Variants in MACROD1 observed in about 807,000 individuals in gnomAD.
MACROD1 encodes ADP-ribose glycohydrolase MACROD1.
Under a neutral mutation model 41.4 loss-of-function variants are expected in MACROD1, and 31 were observed. That is an observed-to-expected ratio of 0.75 (90% CI 0.56 to 1.01). MACROD1 has a LOEUF of 1.01. Among genes scored for constraint, MACROD1 ranks in the 50% least tolerant of loss-of-function variants. The probability of loss-of-function intolerance (pLI) is 0.00; values close to 1 mark genes in which losing one functional copy is unlikely to be tolerated. For missense variants in MACROD1, 473 were observed against 460.0 expected (o/e 1.03, Z -0.26); for synonymous variants, 252 against 203.4 (o/e 1.24, Z -2.03).
At chr11:64,147,749 A>G (rs1363524854) in intron 3 of MACROD1, among the ~76,000 whole-genome samples, 1 of 143,644 alleles carries the variant, frequency 7.0e-6, no homozygotes, top group Non-Finnish European at 1.5e-5. Context: ...TATTATATAT[A>G]TATATATATT....
intron 3 of MACROD1, among the ~76,000 whole-genome samples, chr11:64,017,436 A>G (rs138312552): frequency 2.1e-3 from 317 of 152,300 alleles, no homozygotes; most frequent in African/African-American, 7.3e-3. Context: ...ATGGGGTGGC[A>G]GCAGCAGAAT....
chr11:64,066,439 C>A (rs1944007010), intron 3 of MACROD1, among the ~76,000 whole-genome samples: 1 of 151,598 alleles, frequency 6.6e-6, no homozygotes, highest in Admixed American at 6.6e-5. Flanking sequence ...AAAGCAAGAA[C>A]CCCGCTATCT....
intron 4 of MACROD1, among the ~76,000 whole-genome samples, chr11:64,004,947 G>T (rs535521552): frequency 6.6e-6 from 1 of 152,138 alleles, no homozygotes; most frequent in Non-Finnish European, 1.5e-5. Context: ...AGGGGGATGG[G>T]AGACTGAGGG....
intron 3 of MACROD1, among the ~76,000 whole-genome samples, chr11:64,077,620 G>A (rs1467985742): frequency 6.6e-6 from 1 of 152,082 alleles, no homozygotes; most frequent in Non-Finnish European, 1.5e-5. Context: ...GGGCACACAC[G>A]AACAGAACTC....
At chr11:64,023,018 C>A (rs937526847) in intron 3 of MACROD1, among the ~76,000 whole-genome samples, 1 of 152,032 alleles carries the variant, frequency 6.6e-6, no homozygotes, top group Non-Finnish European at 1.5e-5. Context: ...TGTGCCACCA[C>A]GCCGGGCTAA....
At chr11:64,151,424 AG>A in intron 2 of MACROD1, 69 bp from the exon 3 acceptor site, 1 of 1,170,976 alleles carries the variant, frequency 8.5e-7, no homozygotes, top group Non-Finnish European at 1.3e-6. Flanking sequence ...GCCAGGGCCC[AG>A]GGGCCAGGGC....
chr11:64,041,553 G>A (rs946262883), intron 3 of MACROD1, among the ~76,000 whole-genome samples: 12 of 152,102 alleles, frequency 7.9e-5, no homozygotes, highest in African/African-American at 2.9e-4. Flanking sequence ...GGTCGCAGAG[G>A]TGGGGCTTCG....
At chr11:64,154,199 A>C (rs987252719) in intron 1 of MACROD1, among the ~76,000 whole-genome samples, 43 of 151,442 alleles carry the variant, frequency 2.8e-4, no homozygotes, top group African/African-American at 9.7e-4. Context: ...TGAGCCTCTG[A>C]CCCCCACAGT....
chr11:64,164,923 G>A (rs1490177976), intron 1 of MACROD1, among the ~76,000 whole-genome samples: 2 of 152,082 alleles, frequency 1.3e-5, no homozygotes, highest in Non-Finnish European at 1.5e-5. Context: ...CTCTCCCCAG[G>A]CCCCAGACTC....
At chr11:64,007,549 A>G (rs920713966) in intron 4 of MACROD1, among the ~76,000 whole-genome samples, 1 of 152,126 alleles carries the variant, frequency 6.6e-6, no homozygotes, top group Non-Finnish European at 1.5e-5. Flanking sequence ...CTGCCTCTAC[A>G]GGACCTCCCG....
intron 3 of MACROD1, among the ~76,000 whole-genome samples, chr11:64,123,447 G>A (rs1256269123): frequency 1.3e-5 from 2 of 151,878 alleles, no homozygotes; most frequent in East Asian, 1.9e-4. Flanking sequence ...CTCCTTGGAG[G>A]TGCAGGGAAA....
In MACROD1 at chr11:64,018,980, C is replaced by A. The variant is rs1285542659; in HGVS notation, c.518-3699G>T. ...ATGATCCAGCCCCACCCAAGGGACC[C>A]AGACCTGCTCCCAGCAAACAGGGGC... On this transcript the variant is annotated intron_variant, in intron 3 of 10. Coordinates refer to ENST00000255681, the MANE Select transcript of MACROD1 (RefSeq NM_014067.4). Among the ~76,000 whole-genome samples the A allele has an allele frequency of 5.3e-5, 8 of 152,204 alleles. 1 individual carries two copies. In the East Asian group the frequency reaches 1.5e-3, roughly 29 times the overall value.
intron 4 of MACROD1, among the ~76,000 whole-genome samples, chr11:64,014,433 T>C (rs1943053731): frequency 6.6e-6 from 1 of 152,232 alleles, no homozygotes; most frequent in Admixed American, 6.5e-5. Flanking sequence ...TTTATGCCCC[T>C]TTTATTTTTC....
At chr11:64,124,250 T>A (rs1412546390) in intron 3 of MACROD1, among the ~76,000 whole-genome samples, 3 of 152,092 alleles carry the variant, frequency 2.0e-5, no homozygotes, top group Non-Finnish European at 4.4e-5. Context: ...AGAGAGCGCC[T>A]CCCAGGCCCT....
chr11:64,117,530 C>T (rs1388570459), intron 3 of MACROD1: 1 of 1,603,340 alleles, frequency 6.2e-7, no homozygotes, highest in Non-Finnish European at 8.5e-7. Context: ...GGCTGCGCCT[C>T]CCCGACTCCA....
chr11:64,117,874 C>T, intron 3 of MACROD1: 2 of 1,614,088 alleles, frequency 1.2e-6, no homozygotes, highest in Non-Finnish European at 1.7e-6. Flanking sequence ...TATGGCCCTA[C>T]CACCACACTC....
chr11:64,008,131 G>T (rs1942943866), intron 4 of MACROD1, among the ~76,000 whole-genome samples: 1 of 152,246 alleles, frequency 6.6e-6, no homozygotes, highest in South Asian at 2.1e-4. Flanking sequence ...TCCCGGGCCT[G>T]CGGGTCTACG....
chr11:64,154,619 C>T (rs991883074), intron 1 of MACROD1, among the ~76,000 whole-genome samples: 1 of 152,246 alleles, frequency 6.6e-6, no homozygotes, highest in Non-Finnish European at 1.5e-5. Flanking sequence ...CTGCCTCCCC[C>T]ACTACACCAG....
intron 3 of MACROD1, among the ~76,000 whole-genome samples, chr11:64,034,320 G>A (rs1367215915): frequency 6.6e-6 from 1 of 152,270 alleles, no homozygotes; most frequent in Non-Finnish European, 1.5e-5. Context: ...AACGGAAGCT[G>A]TTGACGCCAC....
Sources: gnomAD v4.1 joint callset for allele counts (sites outside exome capture counted in the v4.1 genomes callset) on GRCh38, gnomAD v4.1.1 for gene constraint, MANE v1.5 for transcripts, NCBI Gene and HGNC (gene_info 2026-07-23, HGNC 2026-07-21) for gene names.